The following GPR158 variants were observed in gnomAD, a reference collection of about 807,000 sequenced individuals.
GPR158 encodes the protein metabotropic glycine receptor.
GPR158 carries 30 observed loss-of-function variants against 78.2 expected under a neutral mutation model. That is an observed-to-expected ratio of 0.38 (90% CI 0.29 to 0.52). GPR158 has a LOEUF of 0.52. GPR158 is among the 20% of genes least tolerant of loss of function. The pLI is 0.83. For missense variants in GPR158, 1,463 were observed against 1,523.5 expected (o/e 0.96, Z 0.66); for synonymous variants, 581 against 591.1 (o/e 0.98, Z 0.25).
chr10:25,560,396 G>A (rs1170450962), intron 6 of GPR158, among the ~76,000 whole-genome samples: 4 of 151,958 alleles, frequency 2.6e-5, no homozygotes, highest in African/African-American at 9.7e-5. Flanking sequence ...CTCCTGAGTA[G>A]CTGGGACTAC....
intron 5 of GPR158, among the ~76,000 whole-genome samples, chr10:25,512,087 T>TG (rs1322324775): frequency 6.6e-6 from 1 of 152,216 alleles, no homozygotes; most frequent in Non-Finnish European, 1.5e-5. Flanking sequence ...GGTGGTATTT[T>TG]GATGAGAATT....
intron 5 of GPR158, among the ~76,000 whole-genome samples, chr10:25,492,019 CA>C (rs1835817149): frequency 6.6e-6 from 1 of 152,094 alleles, no homozygotes; most frequent in Non-Finnish European, 1.5e-5. Flanking sequence ...GCAGGCTGTA[CA>C]AGGAGCTTGG....
chr10:25,436,378 G>C (rs1186202408), intron 4 of GPR158, among the ~76,000 whole-genome samples: 1 of 152,186 alleles, frequency 6.6e-6, no homozygotes, highest in Non-Finnish European at 1.5e-5. Context: ...ATTGGGGCAA[G>C]AGCTATAAAT....
At position 25,347,279 on chromosome 10, in the gene GPR158, A is replaced by G. The variant is rs546254520; in HGVS notation, c.1009-48632A>G. Among the ~76,000 whole-genome samples the G allele has an allele frequency of 3.9e-5, 6 of 152,054 alleles. No individual in the cohort carries two copies. In the East Asian group the frequency reaches 1.2e-3, roughly 30 times the overall value. ...TCTTTCTTCAAAGCCAGCAAGTGTC[A>G]TCTCTCTGACCTATCTTTTGTACTC... On this transcript the variant is annotated intron_variant, in intron 2 of 10. Coordinates refer to ENST00000376351, the MANE Select transcript of GPR158 (RefSeq NM_020752.3).
chr10:25,384,280 A>T (rs1165481640), intron 2 of GPR158, among the ~76,000 whole-genome samples: 1 of 152,154 alleles, frequency 6.6e-6, no homozygotes, highest in East Asian at 1.9e-4. Context: ...AAAACCATGA[A>T]AACTAAGCAT....
chr10:25,577,030 C>T (rs572416383), intron 7 of GPR158, among the ~76,000 whole-genome samples: 4 of 150,632 alleles, frequency 2.7e-5, no homozygotes, highest in Non-Finnish European at 4.4e-5. Context: ...GGAATTAGGA[C>T]TGTCTTAAGA....
chr10:25,296,669 T>C (rs1854520029), intron 2 of GPR158, among the ~76,000 whole-genome samples: 2 of 152,188 alleles, frequency 1.3e-5, no homozygotes, highest in Admixed American at 1.3e-4. Context: ...GTTTACAACA[T>C]GCCAGATGTG....
rs904719756 is a variant in GPR158, at chr10:25,384,346, A to G, written c.1009-11565A>G. ...ATTTAATGTGTGAGAAAATAGCCAT[A>G]AACTTTCAATGGCTCCAGAGGGCAT... On this transcript the variant is annotated intron_variant, in intron 2 of 10. Coordinates refer to ENST00000376351, the MANE Select transcript of GPR158 (RefSeq NM_020752.3). 2.6e-5 allele frequency among the ~76,000 whole-genome samples: 4 copies of G among 152,212 alleles called. No individual in the cohort carries two copies. In the East Asian group the frequency reaches 7.7e-4, roughly 29 times the overall value.
rs990598863 is a variant in GPR158 at position 25,202,952 on chromosome 10, TG to T, written c.903-18098del. On this transcript the variant is annotated intron_variant, in intron 1 of 10. Transcript: ENST00000376351. ...ACTTTTTAATGATTGCCATTCTAAC[TG>T]GTGTGAGATGGTATCTCATTGTGGT... is the stretch of plus-strand genomic sequence containing the variant. Among the ~76,000 whole-genome samples the T allele has an allele frequency of 9.1e-4, 139 of 152,352 alleles. 6 individuals carry two copies. The highest frequency in any genetic ancestry group is 3.2e-3 in the African/African-American group (134 of 41,590).
intron 2 of GPR158, 53 bp downstream of exon 2, chr10:25,221,210 A>G (rs1853295153): frequency 1.1e-6 from 1 of 922,456 alleles, no homozygotes. Flanking sequence ...ATTATTTTGA[A>G]TATGTTATAT....
chr10:25,213,213 A>G (rs1333028304), intron 1 of GPR158, among the ~76,000 whole-genome samples: 1 of 152,110 alleles, frequency 6.6e-6, no homozygotes, highest in African/African-American at 2.4e-5. Flanking sequence ...ACATAGCATC[A>G]GTGATACAGT....
rs140956034 is a variant in GPR158 at position 25,487,527 on chromosome 10, G to A, written c.1404+20808G>A. Among the ~76,000 whole-genome samples, 62 of 152,312 alleles carry A rather than the reference G, an allele frequency of 4.1e-4. No homozygotes were observed. In the East Asian group the frequency reaches 0.011, roughly 27 times the overall value. ...TTGTATTCTAGTGTTCACAGTCACA[G>A]TATAGAGGTTAAGGATGTGGATAGT... On this transcript the variant is annotated intron_variant, in intron 5 of 10. Transcript: ENST00000376351.
At chr10:25,256,754 G>GT (rs1554788664) in intron 2 of GPR158, among the ~76,000 whole-genome samples, 1 of 152,044 alleles carries the variant, frequency 6.6e-6, no homozygotes, top group Non-Finnish European at 1.5e-5. Flanking sequence ...TTGTTGTCCT[G>GT]TTCCTTCCCT....
intron 2 of GPR158, among the ~76,000 whole-genome samples, chr10:25,284,054 T>G (rs1409414036): frequency 6.6e-6 from 1 of 152,110 alleles, no homozygotes; most frequent in East Asian, 1.9e-4. Context: ...CTGGTTAGTA[T>G]TCCATGAATA....
intron 2 of GPR158, among the ~76,000 whole-genome samples, chr10:25,313,728 CAGTT>C (rs1343524830): frequency 2.0e-5 from 3 of 152,076 alleles, no homozygotes; most frequent in African/African-American, 7.2e-5. Flanking sequence ...GAATTAGATT[CAGTT>C]TGTTAATATT....
chr10:25,479,646 C>A (rs560512457), intron 5 of GPR158, among the ~76,000 whole-genome samples: 1 of 152,006 alleles, frequency 6.6e-6, no homozygotes, highest in African/African-American at 2.4e-5. Context: ...AACACCTGAC[C>A]TCAATTGATC....
chr10:25,443,427 A>G (rs1443843741), intron 4 of GPR158, among the ~76,000 whole-genome samples: 1 of 151,906 alleles, frequency 6.6e-6, no homozygotes, highest in Admixed American at 6.6e-5. Context: ...TGGTAGCACC[A>G]GCCTGTAATC....
intron 2 of GPR158, among the ~76,000 whole-genome samples, chr10:25,339,062 C>T (rs1855266653): frequency 6.7e-6 from 1 of 149,966 alleles, no homozygotes; most frequent in Admixed American, 6.7e-5. Context: ...CTCTGTTGCC[C>T]AGAAAGCCTG....
intron 2 of GPR158, among the ~76,000 whole-genome samples, chr10:25,295,874 G>C (rs1854504958): frequency 6.6e-6 from 1 of 151,998 alleles, no homozygotes; most frequent in African/African-American, 2.4e-5. Context: ...CTATTATTTA[G>C]ATTCCTGTCA....
Sources: gnomAD v4.1 joint callset for allele counts (sites outside exome capture counted in the v4.1 genomes callset) on GRCh38, gnomAD v4.1.1 for gene constraint, MANE v1.5 for transcripts, NCBI Gene and HGNC (gene_info 2026-07-23, HGNC 2026-07-21) for gene names.